The following PRKG1 variants were observed in gnomAD, a reference collection of about 807,000 sequenced individuals.
PRKG1 encodes the protein protein kinase cGMP-dependent 1.
PRKG1 carries 35 observed loss-of-function variants against 88.1 expected under a neutral mutation model. That is an observed-to-expected ratio of 0.40 (90% confidence interval 0.30 to 0.53). PRKG1 has a LOEUF of 0.53. Ranked by LOEUF, PRKG1 falls within the 20% of genes least tolerant of loss-of-function variation. The probability of loss-of-function intolerance (pLI) is 0.59; values close to 1 mark genes in which losing one functional copy is unlikely to be tolerated. For synonymous variants in PRKG1, 303 were observed against 292.5 expected, an observed-to-expected ratio of 1.04 and a Z score of -0.37; for missense variants, 540 against 839.8, an observed-to-expected ratio of 0.64 and a Z score of 4.41.
At chr10:51,929,004 A>C (rs1468288401) in intron 5 of PRKG1, among the ~76,000 whole-genome samples, 1 of 152,204 alleles carries the variant, frequency 6.6e-6, no homozygotes, top group African/African-American at 2.4e-5. Context: ...TTCTAACTGT[A>C]GTCATAAATA....
intron 3 of PRKG1, among the ~76,000 whole-genome samples, chr10:51,479,325 G>T (rs1367801584): frequency 6.6e-6 from 1 of 151,862 alleles, no homozygotes; most frequent in Non-Finnish European, 1.5e-5. Flanking sequence ...TCCCATAAAA[G>T]AATACTTTGA....
At chr10:51,557,860 A>C (rs965918376) in intron 3 of PRKG1, among the ~76,000 whole-genome samples, 1 of 152,064 alleles carries the variant, frequency 6.6e-6, no homozygotes, top group African/African-American at 2.4e-5. Context: ...GAGGATCCTG[A>C]ATGATGCTTT....
At chr10:51,932,383 T>C (rs541726923) in intron 5 of PRKG1, among the ~76,000 whole-genome samples, 1 of 152,306 alleles carries the variant, frequency 6.6e-6, no homozygotes, top group African/African-American at 2.4e-5. Flanking sequence ...AAATTATCTT[T>C]ATATGTTAGT....
At chr10:51,453,454 A>G (rs1375774810) in intron 2 of PRKG1, among the ~76,000 whole-genome samples, 3 of 151,996 alleles carry the variant, frequency 2.0e-5, no homozygotes, top group Non-Finnish European at 2.9e-5. Flanking sequence ...ATTCAATGCT[A>G]TGAACTTTCC....
chr10:51,007,204 T>G (rs923479124), intron 1 of PRKG1, among the ~76,000 whole-genome samples: 4 of 151,828 alleles, frequency 2.6e-5, no homozygotes, highest in African/African-American at 9.7e-5. Context: ...TTCGGCCTCC[T>G]AAAGTGCTGG....
intron 2 of PRKG1, among the ~76,000 whole-genome samples, chr10:51,208,328 G>T (rs1390481945): frequency 6.6e-6 from 1 of 152,158 alleles, no homozygotes; most frequent in East Asian, 1.9e-4. Context: ...TGGTAAAATT[G>T]TTATGGTTTA....
At chr10:52,148,657 A>C (rs1407018581) in intron 8 of PRKG1, among the ~76,000 whole-genome samples, 1 of 152,178 alleles carries the variant, frequency 6.6e-6, no homozygotes, top group African/African-American at 2.4e-5. Context: ...ATCAGTGATC[A>C]GCACAGAGCC....
At chr10:51,792,973 G>A (rs1472503441) in intron 3 of PRKG1, among the ~76,000 whole-genome samples, 1 of 151,828 alleles carries the variant, frequency 6.6e-6, no homozygotes, top group East Asian at 1.9e-4. Flanking sequence ...TTCTTCTAAT[G>A]TCCAGACATT....
chr10:51,796,825 C>T (rs1302354815), intron 3 of PRKG1, among the ~76,000 whole-genome samples: 1 of 152,032 alleles, frequency 6.6e-6, no homozygotes, highest in African/African-American at 2.4e-5. Flanking sequence ...ACAGGAAAGG[C>T]AAATTTGATT....
chr10:51,636,435 A>G (rs1839657750), intron 3 of PRKG1, among the ~76,000 whole-genome samples: 1 of 152,218 alleles, frequency 6.6e-6, no homozygotes, highest in Non-Finnish European at 1.5e-5. Context: ...AGTTACATTA[A>G]TAACTGGAAT....
rs547737811 is a variant in PRKG1, at chr10:52,009,080, G to A, written c.763-45404G>A. ...TCTCACAGCCAACATTATACTGAAT[G>A]GGCAAAAGCTGAAAGGATTCCCTTG... On this transcript the variant is annotated intron_variant, in intron 5 of 17. Transcript: ENST00000373980. Among the ~76,000 whole-genome samples, 3 of 152,172 alleles carry A rather than the reference G, an allele frequency of 2.0e-5. No homozygotes were observed. The East Asian group carries it at 5.8e-4, about 29-fold the overall frequency.
chr10:51,674,292 A>G (rs1010398426), intron 3 of PRKG1, among the ~76,000 whole-genome samples: 3 of 152,030 alleles, frequency 2.0e-5, no homozygotes, highest in African/African-American at 2.4e-5. Flanking sequence ...CCTGTCATGT[A>G]CATTAGGTAT....
intron 3 of PRKG1, among the ~76,000 whole-genome samples, chr10:51,529,352 A>C (rs1841958529): frequency 6.6e-6 from 1 of 152,164 alleles, no homozygotes; most frequent in African/African-American, 2.4e-5. Flanking sequence ...GTCACATTTA[A>C]AAAAATTAAT....
rs199854048 is a variant in PRKG1 at position 51,562,021 on chromosome 10, G to A, written c.592+94185G>A. ...GCAGATCATCTGAGATCAGGAGTTC[G>A]AGACCAGCCTGGCCAACATGACGAA... On this transcript the variant is annotated intron_variant, in intron 3 of 17. Coordinates refer to ENST00000373980, the MANE Select transcript of PRKG1 (RefSeq NM_006258.4). Among the ~76,000 whole-genome samples the A allele has an allele frequency of 4.6e-5, 7 of 152,046 alleles. No individual in the cohort carries two copies. The East Asian group carries it at 7.8e-4, about 17-fold the overall frequency.
intron 3 of PRKG1, among the ~76,000 whole-genome samples, chr10:51,796,472 T>A (rs1305822774): frequency 2.6e-5 from 4 of 152,106 alleles, no homozygotes; most frequent in African/African-American, 9.7e-5. Flanking sequence ...AATTTCACAT[T>A]AGCCTCATTC....
rs143352506 is a variant in PRKG1, at chr10:51,987,700, C to T, written c.763-66784C>T. On this transcript the variant is annotated intron_variant, in intron 5 of 17. Coordinates refer to ENST00000373980, the MANE Select transcript of PRKG1 (RefSeq NM_006258.4). Reference sequence around the variant, plus strand: ...TTTTAGTTCAATATTTGTAACTATTCGCTCTAAAGAAATTTCATTACCTGT... The same window carrying T: ...TTTTAGTTCAATATTTGTAACTATTTGCTCTAAAGAAATTTCATTACCTGT... Among the ~76,000 whole-genome samples, 728 of 152,024 alleles carry T rather than the reference C, an allele frequency of 4.8e-3. 7 individuals carry two copies. The highest frequency in any genetic ancestry group is 0.016 in the African/African-American group (664 of 41,500).
At chr10:52,032,131 G>A (rs1048124569) in intron 5 of PRKG1, among the ~76,000 whole-genome samples, 4 of 152,186 alleles carry the variant, frequency 2.6e-5, no homozygotes, top group African/African-American at 9.7e-5. Context: ...TCTAATGATA[G>A]AAATGAGTAC....
chr10:51,217,465 AAGAAG>A (rs1358144358), intron 2 of PRKG1, among the ~76,000 whole-genome samples: 2 of 152,144 alleles, frequency 1.3e-5, no homozygotes, highest in East Asian at 3.8e-4. Flanking sequence ...ATGATTACAA[AAGAAG>A]AGATCTGGAG....
At chr10:51,190,130 A>C (rs1194504044) in intron 2 of PRKG1, among the ~76,000 whole-genome samples, 1 of 152,004 alleles carries the variant, frequency 6.6e-6, no homozygotes, top group East Asian at 1.9e-4. Context: ...TCATATCTAT[A>C]GTCTAGAAGT....
Sources: allele counts gnomAD v4.1 joint callset (sites outside exome capture counted in the v4.1 genomes callset), GRCh38; gene constraint gnomAD v4.1.1; transcripts MANE v1.5; gene names NCBI Gene and HGNC (gene_info 2026-07-23, HGNC 2026-07-21).